Variants in PCDHA8 observed in about 807,000 individuals in gnomAD.
PCDHA8 encodes the protein protocadherin alpha-8.
PCDHA8 carries 53 observed loss-of-function variants against 61.8 expected under a neutral mutation model. That is an observed-to-expected ratio of 0.86 (90% CI 0.69 to 1.08). The LOEUF is 1.08. PCDHA8 is among the 50% of genes least tolerant of loss of function. The pLI, the probability that PCDHA8 is intolerant of heterozygous loss-of-function variation, is 0.00. For synonymous variants in PCDHA8, 618 were observed against 556.6 expected (o/e 1.11, Z -1.55); for missense variants, 1,293 against 1,245.0 (o/e 1.04, Z -0.58).
At chr5:140,871,528 T>C (rs373016617) in intron 1 of PCDHA8, 418 of 1,530,484 alleles carry the variant, frequency 2.7e-4, no homozygotes, top group Non-Finnish European at 3.4e-4. Flanking sequence ...TATCAGGAAG[T>C]GTATGTGAAA....
intron 1 of PCDHA8, among the ~76,000 whole-genome samples, chr5:140,921,037 T>C (rs2079983245): frequency 1.3e-5 from 2 of 151,986 alleles, no homozygotes; most frequent in Admixed American, 1.3e-4. Context: ...TGGGGTGCAG[T>C]GGGGCAATCA....
In PCDHA8 at chr5:140,841,711, G is replaced by T. The variant is rs1385576183; in HGVS notation, c.390G>T (p.Pro130=). ...DVEVKDVNDN[P]PVFRVKDQKL... ...AGGTGAAGGATGTTAATGACAACCC[G>T]CCAGTGTTCCGGGTAAAAGACCAAA... The change falls in exon 1 of 4, where the codon CCG becomes CCT. Residue 130 remains proline, a synonymous_variant. Coordinates refer to ENST00000531613, the MANE Select transcript of PCDHA8 (RefSeq NM_018911.3). 1.9e-6 allele frequency: 3 copies of T among 1,613,772 alleles called. No homozygotes were observed. The highest frequency in any genetic ancestry group is 1.1e-5 in the South Asian group (1 of 91,078).
At chr5:140,848,343 C>G (rs1581147757) in intron 1 of PCDHA8, 14 of 898,934 alleles carry the variant, frequency 1.6e-5, no homozygotes, top group Non-Finnish European at 2.1e-5. Context: ...CAGACAAATA[C>G]AGCCCTTTTC....
intron 1 of PCDHA8, among the ~76,000 whole-genome samples, chr5:140,935,657 T>C (rs2090486652): frequency 1.3e-5 from 2 of 152,176 alleles, no homozygotes; most frequent in Non-Finnish European, 2.9e-5. Flanking sequence ...TTTAATTTTC[T>C]TTTATAATTA....
chr5:140,882,715 A>G (rs143870647), intron 1 of PCDHA8: 102 of 1,614,124 alleles, frequency 6.3e-5, no homozygotes, highest in African/African-American at 1.7e-4. Context: ...GACCTCCGGA[A>G]ACTCGATTTC....
chr5:140,960,788 G>A (rs1268913888), intron 1 of PCDHA8, among the ~76,000 whole-genome samples: 1 of 152,086 alleles, frequency 6.6e-6, no homozygotes, highest in Non-Finnish European at 1.5e-5. Context: ...GCCAAACAAG[G>A]TTTCTATTAA....
chr5:141,009,374 G>C (rs567366098), intron 3 of PCDHA8, among the ~76,000 whole-genome samples: 1 of 152,216 alleles, frequency 6.6e-6, no homozygotes, highest in African/African-American at 2.4e-5. Context: ...TGGGAGGATT[G>C]ATTGAGCACA....
At chr5:141,006,813 T>C (rs1171771789) in intron 3 of PCDHA8, among the ~76,000 whole-genome samples, 1 of 152,018 alleles carries the variant, frequency 6.6e-6, no homozygotes, top group African/African-American at 2.4e-5. Flanking sequence ...GCTTGAGAAA[T>C]GGGGTAAATG....
At chr5:140,863,736 T>C (rs2048147573) in intron 1 of PCDHA8, 1 of 249,698 alleles carries the variant, frequency 4.0e-6, no homozygotes. Context: ...AGCTCATGCC[T>C]ATTTGTAATC....
Position 140,851,528 on chromosome 5 carries a change from C to T in PCDHA8, c.2394+7813C>T, listed in dbSNP as rs185754801. ...ATAAAATATGTTTTAAAATGCCTGA[C>T]AATGTAGATAATTCAAGAAATGTTG... On this transcript the variant is annotated intron_variant, in intron 1 of 3. Transcript: ENST00000531613. 15 of 903,994 alleles carry T rather than the reference C, an allele frequency of 1.7e-5. No homozygotes were observed. The East Asian group carries it at 1.6e-3, about 98-fold the overall frequency. The allele number at this position is 903,994 out of a possible 1,614,324, so 56.0% of individuals were successfully genotyped here.
intron 1 of PCDHA8, among the ~76,000 whole-genome samples, chr5:140,953,567 C>G (rs1385823859): frequency 6.6e-6 from 1 of 152,018 alleles, no homozygotes; most frequent in Non-Finnish European, 1.5e-5. Flanking sequence ...TTTTAGTGCC[C>G]TCCTCTCCCA....
chr5:140,989,609 T>C (rs782186182), intron 3 of PCDHA8, among the ~76,000 whole-genome samples: 4 of 152,178 alleles, frequency 2.6e-5, no homozygotes, highest in Non-Finnish European at 5.9e-5. Flanking sequence ...AAACTAAAAA[T>C]GAAAGTCTGT....
At chr5:140,936,768 G>C (rs1554211177) in intron 1 of PCDHA8, among the ~76,000 whole-genome samples, 2 of 152,042 alleles carry the variant, frequency 1.3e-5, no homozygotes, top group African/African-American at 4.8e-5. Flanking sequence ...AATTGTGTAA[G>C]TTCTCTCACT....
chr5:140,931,914 A>G (rs1374173998), intron 1 of PCDHA8, among the ~76,000 whole-genome samples: 2 of 151,960 alleles, frequency 1.3e-5, no homozygotes, highest in Non-Finnish European at 2.9e-5. Context: ...AAAGCATGAC[A>G]TTTAACAATG....
intron 1 of PCDHA8, among the ~76,000 whole-genome samples, chr5:140,948,964 T>C (rs2094329348): frequency 6.6e-6 from 1 of 151,790 alleles, no homozygotes; most frequent in Non-Finnish European, 1.5e-5. Context: ...AGCCACGAAT[T>C]TATTAGTATG....
chr5:140,855,908 C>T, intron 1 of PCDHA8: 1 of 1,151,190 alleles, frequency 8.7e-7, no homozygotes, highest in Non-Finnish European at 1.2e-6. Context: ...GCCAGTTTCT[C>T]AAGGACTAGG....
chr5:140,878,350 T>C (rs932815141), intron 1 of PCDHA8, among the ~76,000 whole-genome samples: 1 of 152,250 alleles, frequency 6.6e-6, no homozygotes, highest in Non-Finnish European at 1.5e-5. Context: ...CACAATAATA[T>C]AAATGATATG....
chr5:140,949,591 T>A (rs1279124605), intron 1 of PCDHA8, among the ~76,000 whole-genome samples: 2 of 151,928 alleles, frequency 1.3e-5, no homozygotes, highest in Non-Finnish European at 2.9e-5. Flanking sequence ...GTGATATTAA[T>A]GTGGCCATTC....
intron 1 of PCDHA8, among the ~76,000 whole-genome samples, chr5:140,975,592 C>A (rs2096673847): frequency 6.6e-6 from 1 of 152,170 alleles, no homozygotes; most frequent in Non-Finnish European, 1.5e-5. Context: ...TCCCAGAGGG[C>A]AATTTGTTGA....
Sources: gnomAD v4.1 joint callset for allele counts (sites outside exome capture counted in the v4.1 genomes callset) on GRCh38, gnomAD v4.1.1 for gene constraint, MANE v1.5 for transcripts, NCBI Gene and HGNC (gene_info 2026-07-23, HGNC 2026-07-21) for gene names.